CFAP53: variants seen among roughly 807,000 people sequenced by gnomAD.
The protein encoded by CFAP53 is cilia and flagella associated protein 53.
A neutral mutation model predicts 59.7 loss-of-function variants in CFAP53; 62 were observed. The observed-to-expected ratio is 1.04, with a 90% CI of 0.85 to 1.28. The LOEUF is 1.28. CFAP53 is among the 50% of genes most tolerant of loss of function. The pLI, the probability that CFAP53 is intolerant of heterozygous loss-of-function variation, is 0.00. For missense variants in CFAP53, 629 were observed against 615.6 expected, an observed-to-expected ratio of 1.02 and a Z score of -0.23; for synonymous variants, 218 against 205.7, an observed-to-expected ratio of 1.06 and a Z score of -0.51.
chr18:50,231,663 G>A (rs1200165908), intron 7 of CFAP53, among the ~76,000 whole-genome samples: 1 of 152,152 alleles, frequency 6.6e-6, no homozygotes, highest in East Asian at 1.9e-4. Context: ...GCTACTATCC[G>A]GTGTTGCCTG....
chr18:50,243,863 A>T (rs576306086), intron 5 of CFAP53, among the ~76,000 whole-genome samples: 33 of 152,134 alleles, frequency 2.2e-4, no homozygotes, highest in African/African-American at 7.7e-4. Flanking sequence ...GAGGCAGGAG[A>T]ATGGCGTGAA....
rs1363658614 is a variant in CFAP53 at position 50,251,480 on chromosome 18, C to T, written c.777+1G>A. 6.2e-7 allele frequency: 1 copy of T among 1,611,344 alleles called. No homozygotes were observed. Among genetic ancestry groups the T allele is most frequent in the South Asian group, 1.1e-5 (1 of 90,946 alleles). The stretch of plus-strand genomic sequence containing the variant: ...CTCTAACAAGCATTTTAAAGGCCCA[C>T]CACAAGGCGTGCCTCCTCTTCCTTC... On this transcript the variant is annotated splice_donor_variant, in intron 4 of 7. Transcript: ENST00000398545. LOFTEE classifies it high-confidence loss of function.
chr18:50,231,371 A>C (rs1457458951), intron 7 of CFAP53, among the ~76,000 whole-genome samples: 1 of 152,072 alleles, frequency 6.6e-6, no homozygotes. Context: ...GCTCACCCAC[A>C]TTTTGGTAGC....
rs573907466 is a variant in CFAP53, at chr18:50,250,335, T to A, written c.996+423A>T. ...AGCACTTGTGGGAGAAACAAAACAC[T>A]CTTAAAAGTTCAATCCAAATTCCAA... On this transcript the variant is annotated intron_variant, in intron 5 of 7. Coordinates refer to ENST00000398545, the MANE Select transcript of CFAP53 (RefSeq NM_145020.5). Among the ~76,000 whole-genome samples, 4 of 151,816 alleles carry A rather than the reference T, an allele frequency of 2.6e-5. No individual in the cohort carries two copies. The South Asian group carries it at 8.3e-4, about 32-fold the overall frequency.
intron 3 of CFAP53, among the ~76,000 whole-genome samples, chr18:50,255,874 A>AT (rs1240358577): frequency 6.6e-6 from 1 of 151,334 alleles, no homozygotes; most frequent in Non-Finnish European, 1.5e-5. Flanking sequence ...GAATACAAAA[A>AT]AAAAAAGAGG....
At chr18:50,256,506 G>A (rs1230131177) in intron 3 of CFAP53, 2 of 152,126 alleles carry the variant, frequency 1.3e-5, no homozygotes, top group Non-Finnish European at 2.9e-5. Flanking sequence ...TTACTACTCC[G>A]GGTTTCTTCA....
intron 5 of CFAP53, among the ~76,000 whole-genome samples, chr18:50,250,554 CT>C (rs1238472793): frequency 2.0e-5 from 3 of 152,176 alleles, no homozygotes; most frequent in Non-Finnish European, 4.4e-5. Context: ...TTTCCTGCCC[CT>C]GTCATGATTT....
chr18:50,263,619 C>G (rs56260001), intron 1 of CFAP53, among the ~76,000 whole-genome samples: 11,073 of 152,210 alleles, frequency 0.073, 546 homozygotes, highest in Non-Finnish European at 0.11. Context: ...TTCTCCAATA[C>G]AGTTGGCATT....
intron 7 of CFAP53, among the ~76,000 whole-genome samples, chr18:50,229,009 G>C (rs2033554085): frequency 6.6e-6 from 1 of 151,768 alleles, no homozygotes; most frequent in Non-Finnish European, 1.5e-5. Flanking sequence ...GATTTTCTGA[G>C]CCCAGAAGGT....
chr18:50,227,424 A>C lies in CFAP53; in HGVS notation c.1502T>G (p.Ile501Ser). Reference protein sequence around the residue: ...LSTHQVLPQNIHPMRKACPSK... With the variant: ...LSTHQVLPQNSHPMRKACPSK... ...GGGGCATGCCTTGCGCATGGGATGAATGTTTTGAGGCAGCACTTGATGGGT... is the reference window on the plus strand; with the variant it reads ...GGGGCATGCCTTGCGCATGGGATGACTGTTTTGAGGCAGCACTTGATGGGT... The change falls in exon 8 of 8, where the codon ATT becomes AGT. Residue 501 changes from isoleucine (I) to serine (S), a missense_variant. Coordinates refer to ENST00000398545, the MANE Select transcript of CFAP53 (RefSeq NM_145020.5). 6.2e-7 allele frequency: 1 copy of C among 1,614,178 alleles called. No individual in the cohort carries two copies. The highest frequency in any genetic ancestry group is 8.5e-7 in the Non-Finnish European group (1 of 1,180,016).
At chr18:50,252,782 G>A (rs527661771) in intron 3 of CFAP53, among the ~76,000 whole-genome samples, 21 of 152,202 alleles carry the variant, frequency 1.4e-4, no homozygotes, top group African/African-American at 3.1e-4. Context: ...AACACTTTGG[G>A]AGGCCAAGGC....
intron 7 of CFAP53, among the ~76,000 whole-genome samples, chr18:50,233,068 T>C (rs2033597606): frequency 6.6e-6 from 1 of 152,232 alleles, no homozygotes; most frequent in South Asian, 2.1e-4. Flanking sequence ...ACCTGCACTA[T>C]AAAGTTAAGT....
intron 7 of CFAP53, among the ~76,000 whole-genome samples, chr18:50,235,572 T>C (rs1426479109): frequency 6.6e-6 from 1 of 152,120 alleles, no homozygotes; most frequent in African/African-American, 2.4e-5. Context: ...TCTCAAAAAA[T>C]AATAATAACA....
Position 50,238,704 on chromosome 18 carries a change from C to T in CFAP53, c.1215G>A (p.Leu405=), listed in dbSNP as rs201484442. ...CTTCCTGTTCTTTAGCTTCTCGTTG[C>T]ACTAAGAAAAGCAAAAGTAATTATA... The part of the protein sequence containing the change: ...CTRKLQVQEK[L]QREAKEQEER... Residue 405 remains leucine, a splice_region_variant and synonymous_variant, in exon 7 of 8, where the codon TTG becomes TTA. Transcript: ENST00000398545. The T allele has an allele frequency of 3.1e-6, 5 of 1,607,290 alleles. No individual in the cohort carries two copies. The highest frequency in any genetic ancestry group is 4.2e-6 in the Non-Finnish European group (5 of 1,176,782).
intron 2 of CFAP53, among the ~76,000 whole-genome samples, chr18:50,261,677 C>T (rs1228706099): frequency 6.6e-6 from 1 of 152,090 alleles, no homozygotes; most frequent in Non-Finnish European, 1.5e-5. Context: ...TAGGTATGAC[C>T]CACTAAGCCC....
At chr18:50,250,366 T>C (rs1446831728) in intron 5 of CFAP53, among the ~76,000 whole-genome samples, 2 of 152,154 alleles carry the variant, frequency 1.3e-5, no homozygotes, top group African/African-American at 4.8e-5. Flanking sequence ...TCCAAACGTA[T>C]AGGTAGTTAA....
chr18:50,260,189 C>A (rs182952548), intron 3 of CFAP53, among the ~76,000 whole-genome samples: 13 of 152,212 alleles, frequency 8.5e-5, no homozygotes, highest in Admixed American at 8.5e-4. Context: ...GATGGAAAAC[C>A]ACAATGAAAA....
At chr18:50,253,040 G>A (rs554316294) in intron 3 of CFAP53, among the ~76,000 whole-genome samples, 13 of 148,712 alleles carry the variant, frequency 8.7e-5, no homozygotes, top group South Asian at 8.5e-4. Context: ...TTTTTGAGAC[G>A]GAGTCTCGCT....
At position 50,253,018 on chromosome 18, in the gene CFAP53, CT is replaced by C. The variant is rs1202677473; in HGVS notation, c.474-1235del. ...ACTCTAGGTCAGTAAGACCCTGTTT[CT>C]TTTTTTTTTTTTTTTGAGACGGAGT... On this transcript the variant is annotated intron_variant, in intron 3 of 7. Coordinates refer to ENST00000398545, the MANE Select transcript of CFAP53 (RefSeq NM_145020.5). Among the ~76,000 whole-genome samples, 1,400 of 142,120 alleles carry C rather than the reference CT, an allele frequency of 9.9e-3. 12 individuals carry two copies. Among genetic ancestry groups the C allele is most frequent in the African/African-American group, 0.028 (1,099 of 39,020 alleles). 93.2% of individuals were successfully genotyped at this position (142,120 alleles called of 152,430 possible).
Sources: gnomAD v4.1 joint callset for allele counts (sites outside exome capture counted in the v4.1 genomes callset) on GRCh38, gnomAD v4.1.1 for gene constraint, MANE v1.5 for transcripts, NCBI Gene and HGNC (gene_info 2026-07-23, HGNC 2026-07-21) for gene names.